Variants in MSTO1 observed in about 807,000 individuals in gnomAD.
The protein encoded by MSTO1 is misato mitochondrial distribution and morphology regulator 1.
Under a neutral mutation model 55.7 loss-of-function variants are expected in MSTO1, and 24 were observed. The observed-to-expected ratio is 0.43, with a 90% CI of 0.31 to 0.61. The LOEUF (loss-of-function observed/expected upper bound fraction) is 0.61. MSTO1 is among the 20% of genes least tolerant of loss of function. The probability of loss-of-function intolerance (pLI) is 0.09; values close to 1 mark genes in which losing one functional copy is unlikely to be tolerated. For synonymous variants in MSTO1, 162 were observed against 252.8 expected (o/e 0.64, Z 3.41); for missense variants, 363 against 625.7 (o/e 0.58, Z 4.48).
chr1:155,563,719 T>C, the MSTO1 span: 78 of 366,434 alleles, frequency 2.1e-4, no homozygotes, highest in Non-Finnish European at 3.8e-5. Flanking sequence ...TGTTAGTTCC[T>C]TATCAAAAAG....
upstream of MSTO1, among the ~76,000 whole-genome samples, chr1:155,609,485 T>C: frequency 2.0e-5 from 3 of 151,580 alleles, 1 homozygote; most frequent in East Asian, 5.8e-4. Context: ...CTTGACCTCG[T>C]GATCTGCCCG....
the MSTO1 span, among the ~76,000 whole-genome samples, chr1:155,592,221 C>T: frequency 1.3e-5 from 2 of 152,158 alleles, no homozygotes; most frequent in African/African-American, 2.4e-5. Flanking sequence ...TCTTTCAAAA[C>T]GGCTTTGCAA....
the MSTO1 span, among the ~76,000 whole-genome samples, chr1:155,591,750 A>G: frequency 6.6e-6 from 1 of 151,764 alleles, no homozygotes; most frequent in African/African-American, 2.4e-5. Flanking sequence ...AGATCACACC[A>G]TTGCACTCCA....
the MSTO1 span, among the ~76,000 whole-genome samples, chr1:155,582,138 G>A: frequency 4.6e-5 from 7 of 151,968 alleles, no homozygotes; most frequent in South Asian, 4.2e-4. Context: ...ATGATCGCCC[G>A]CCTCGGCCTC....
rs1401918308 is a variant in MSTO1, at chr1:155,614,595, C to T, written c.*322C>T. 3.1e-6 allele frequency: 2 copies of T among 652,938 alleles called. No homozygotes were observed. The highest frequency in any genetic ancestry group is 3.6e-5 in the South Asian group (2 of 55,034). 40.4% of individuals were successfully genotyped at this position (652,938 alleles called of 1,614,324 possible). A position where few individuals can be genotyped will look rare whatever the true frequency, so the allele number is the denominator to read the frequency against. ...TCCATCCTCCAGCCTTTGTCCTTGT[C>T]CTGGCCTCCTGCTCTCCAGATCTGT... On this transcript the variant is annotated 3_prime_UTR_variant, in exon 14 of 14. Coordinates refer to ENST00000245564, the MANE Select transcript of MSTO1 (RefSeq NM_018116.4).
the MSTO1 span, chr1:155,591,022 C>T: frequency 8.9e-5 from 144 of 1,613,746 alleles, no homozygotes; most frequent in African/African-American, 1.3e-4. Context: ...ACAGACGGCA[C>T]GTGCAGCCTG....
Position 155,611,968 on chromosome 1 carries a change from G to A in MSTO1, c.561-15G>A. Reference sequence around the variant, plus strand: ...GGAAGAGATGTAAGTCTTGGATCATGTTTACTTGTGGCAGGGAAGCAGGTC... The same window carrying A: ...GGAAGAGATGTAAGTCTTGGATCATATTTACTTGTGGCAGGGAAGCAGGTC... On this transcript the variant is annotated splice_polypyrimidine_tract_variant and intron_variant, in intron 6 of 13. Coordinates refer to ENST00000245564, the MANE Select transcript of MSTO1 (RefSeq NM_018116.4). 3 of 957,174 alleles carry A rather than the reference G, an allele frequency of 3.1e-6. No homozygotes were observed. 59.3% of individuals were successfully genotyped at this position (957,174 alleles called of 1,614,324 possible).
the MSTO1 span, among the ~76,000 whole-genome samples, chr1:155,564,216 G>A: frequency 1.3e-5 from 2 of 152,238 alleles, no homozygotes; most frequent in Admixed American, 6.5e-5. Context: ...ATGCAAGGCC[G>A]GGCGCGGTGG....
the MSTO1 span, among the ~76,000 whole-genome samples, chr1:155,580,473 T>G: frequency 9.2e-5 from 14 of 152,144 alleles, no homozygotes; most frequent in Non-Finnish European, 1.6e-4. Context: ...AGTTCGAGGT[T>G]GCAGTGAGCC....
At chr1:155,565,734 C>G in the MSTO1 span, among the ~76,000 whole-genome samples, 1 of 152,162 alleles carries the variant, frequency 6.6e-6, no homozygotes, top group African/African-American at 2.4e-5. Context: ...GAATTATCAG[C>G]TACATACAAG....
At chr1:155,567,591 C>T in the MSTO1 span, among the ~76,000 whole-genome samples, 1 of 152,062 alleles carries the variant, frequency 6.6e-6, no homozygotes, top group African/African-American at 2.4e-5. Context: ...TGAGCCACCG[C>T]GCCCGGCCTA....
the MSTO1 span, among the ~76,000 whole-genome samples, chr1:155,604,629 A>G: frequency 6.6e-6 from 1 of 152,202 alleles, no homozygotes; most frequent in Admixed American, 6.5e-5. Flanking sequence ...TAATCCCAGC[A>G]CTTTGGGAGG....
At chr1:155,590,848 G>T in the MSTO1 span, 350 of 1,609,188 alleles carry the variant, frequency 2.2e-4, no homozygotes, top group East Asian at 2.2e-5. Flanking sequence ...GGCATGCGCC[G>T]TCCAGCAAAC....
chr1:155,609,237 ATATATATTT>A (rs1208725088), upstream of MSTO1, among the ~76,000 whole-genome samples: 10 of 49,110 alleles, frequency 2.0e-4, no homozygotes, highest in East Asian at 2.3e-3. Context: ...ATATATATAT[ATATATATTT>A]TTTTTTTTTT....
chr1:155,614,785 G>A lies in MSTO1; in HGVS notation c.*512G>A. ...GTCAGACAGCTGGTCTGCATTGCTG[G>A]TACTGGTTGCATCATCCTCATCCTC... On this transcript the variant is annotated 3_prime_UTR_variant, in exon 14 of 14. Transcript: ENST00000245564. 1 of 1,544,298 alleles carries A rather than the reference G, an allele frequency of 6.5e-7. No homozygotes were observed. The highest frequency in any genetic ancestry group is 8.9e-7 in the Non-Finnish European group (1 of 1,124,862).
chr1:155,598,516 G>C, the MSTO1 span, among the ~76,000 whole-genome samples: 1 of 152,140 alleles, frequency 6.6e-6, no homozygotes, highest in African/African-American at 2.4e-5. Context: ...TTGGCCAAGA[G>C]TTCAAGATGA....
upstream of MSTO1, chr1:155,610,089 G>A (rs922607953): frequency 5.6e-6 from 4 of 715,506 alleles, no homozygotes; most frequent in Admixed American, 5.8e-5. Flanking sequence ...CTAGGAAGAG[G>A]TAGGAAGGGA....
the MSTO1 span, chr1:155,602,066 T>C: frequency 1.2e-5 from 8 of 662,844 alleles, no homozygotes; most frequent in African/African-American, 1.8e-5. Flanking sequence ...TTCTGCCTTT[T>C]TTTAAGCTCA....
At chr1:155,577,383 C>T in the MSTO1 span, among the ~76,000 whole-genome samples, 13 of 152,168 alleles carry the variant, frequency 8.5e-5, no homozygotes, top group East Asian at 1.4e-3. Context: ...CCACCACGCC[C>T]GGCCGCCCCC....
Sources: gnomAD v4.1 joint callset for allele counts (sites outside exome capture counted in the v4.1 genomes callset) on GRCh38, gnomAD v4.1.1 for gene constraint, MANE v1.5 for transcripts, NCBI Gene and HGNC (gene_info 2026-07-23, HGNC 2026-07-21) for gene names.